The following CFAP161 variants were observed in gnomAD, a reference collection of about 807,000 sequenced individuals.
The protein encoded by CFAP161 is cilia and flagella associated protein 161.
CFAP161 carries 25 observed loss-of-function variants against 29.0 expected under a neutral mutation model. The ratio of observed to expected loss-of-function variants is 0.86; its 90% CI spans 0.63 to 1.20. The LOEUF is 1.20. Ranked by LOEUF, CFAP161 falls within the 50% of genes most tolerant of loss-of-function variation. The probability of loss-of-function intolerance (pLI) is 0.00; values close to 1 mark genes in which losing one functional copy is unlikely to be tolerated. For missense variants in CFAP161, 367 were observed against 371.9 expected, an observed-to-expected ratio of 0.99 and a Z score of 0.11; for synonymous variants, 116 against 137.4, an observed-to-expected ratio of 0.84 and a Z score of 1.09.
At chr15:81,114,100 A>G (rs547573569) in intron 1 of CFAP161, among the ~76,000 whole-genome samples, 4 of 152,344 alleles carry the variant, frequency 2.6e-5, no homozygotes, top group African/African-American at 9.6e-5. Flanking sequence ...AACAAAAACA[A>G]TGAGCCCTGG....
intron 1 of CFAP161, among the ~76,000 whole-genome samples, chr15:81,110,732 C>A (rs567874056): frequency 6.6e-6 from 1 of 152,160 alleles, no homozygotes; most frequent in Non-Finnish European, 1.5e-5. Flanking sequence ...TGGTCAGCTT[C>A]GGTGGAAGGG....
At chr15:81,109,473 A>C (rs1894414470) in intron 1 of CFAP161, among the ~76,000 whole-genome samples, 1 of 152,180 alleles carries the variant, frequency 6.6e-6, no homozygotes, top group South Asian at 2.1e-4. Flanking sequence ...AGTTTGTTCA[A>C]CTTTGCTTTT....
Position 81,135,364 on chromosome 15 carries a change from C to CTT in CFAP161, c.159+17_159+18dup, listed in dbSNP as rs369139890. Reference sequence around the variant, plus strand: ...AAACAGAATCTCTTGAGACCGGTAACTTTTTTTTTTTTTATTACACTTTAA... The same window carrying CTT: ...AAACAGAATCTCTTGAGACCGGTAACTTTTTTTTTTTTTTTATTACACTTTAA... On this transcript the variant is annotated splice_donor_region_variant and intron_variant, in intron 2 of 6. Coordinates refer to ENST00000286732, the MANE Select transcript of CFAP161 (RefSeq NM_173528.4). 436 of 1,265,424 alleles carry CTT rather than the reference C, an allele frequency of 3.4e-4. No individual in the cohort carries two copies. The highest frequency in any genetic ancestry group is 6.2e-4 in the Middle Eastern group (3 of 4,818). 78.4% of individuals were successfully genotyped at this position (1,265,424 alleles called of 1,614,324 possible). A position where few individuals can be genotyped will look rare whatever the true frequency, so the allele number is the denominator to read the frequency against.
chr15:81,146,467 T>A (rs1276348149), intron 5 of CFAP161, among the ~76,000 whole-genome samples: 1 of 152,128 alleles, frequency 6.6e-6, no homozygotes, highest in Non-Finnish European at 1.5e-5. Context: ...TTAAATAACA[T>A]CATTGACCAT....
chr15:81,134,122 AG>A (rs1894763734), upstream of CFAP161: 2 of 561,458 alleles, frequency 3.6e-6, no homozygotes, highest in East Asian at 6.0e-5. Flanking sequence ...GAAATCTAAG[AG>A]GTGGAAGTGG....
Position 81,135,313 on chromosome 15 carries a change from T to G in CFAP161, c.113T>G (p.Leu38Arg). 2 of 1,600,876 alleles carry G rather than the reference T, an allele frequency of 1.2e-6. No homozygotes were observed. The highest frequency in any genetic ancestry group is 1.4e-5 in the African/African-American group (1 of 73,882). Residue 38 changes from leucine to arginine, a missense_variant, in exon 2 of 7, where the codon CTT (leucine) becomes CGT (arginine). Transcript: ENST00000286732. ...DFLEKRDKGK[L>R]LIQRSRRLKQ... ...TTAGAGAAGAGAGACAAGGGGAAAC[T>G]TCTCATACAGAGAAGTAGAAGACTA...
rs190316138 is a variant in CFAP161, at chr15:81,117,381, C to T, written c.-141-10209C>T. 1.1e-3 allele frequency among the ~76,000 whole-genome samples: 173 copies of T among 152,216 alleles called. 1 individual carries two copies. Among genetic ancestry groups the T allele is most frequent in the Non-Finnish European group, 2.0e-3 (139 of 68,014 alleles). On this transcript the variant is annotated intron_variant, in intron 1 of 4. Coordinates refer to the CFAP161 transcript ENST00000560091. Reference sequence around the variant, plus strand: ...CAGCTATCCACGCTACAGCAAGAGTCTCACACAAAAAGCTAACAATGCTTA... The same window carrying T: ...CAGCTATCCACGCTACAGCAAGAGTTTCACACAAAAAGCTAACAATGCTTA...
At position 81,135,423 on chromosome 15, in the gene CFAP161, G is replaced by A. The variant is rs1017341163; in HGVS notation, c.159+64G>A. ...GTACATGTGCACAACGTGCAGGTTT[G>A]TTACATATGTATACATATGCTATGT... On this transcript the variant is annotated intron_variant, in intron 2 of 6. Transcript: ENST00000286732. 4.6e-6 allele frequency: 5 copies of A among 1,096,048 alleles called. No individual in the cohort carries two copies. In the African/African-American group the frequency reaches 7.9e-5, roughly 17 times the overall value. 67.9% of individuals were successfully genotyped at this position (1,096,048 alleles called of 1,614,324 possible). A position where few individuals can be genotyped will look rare whatever the true frequency, so the allele number is the denominator to read the frequency against.
Position 81,144,428 on chromosome 15 carries a change from T to G in CFAP161, c.636+608T>G, listed in dbSNP as rs1256197970. 2.0e-5 allele frequency among the ~76,000 whole-genome samples: 3 copies of G among 152,078 alleles called. No individual in the cohort carries two copies. In the East Asian group the frequency reaches 5.8e-4, roughly 29 times the overall value. ...TGGGCAACATGGCAAAACCCCTGTC[T>G]CTACAAAAAATACAAAAATTAGCCG... On this transcript the variant is annotated intron_variant, in intron 5 of 6. Transcript: ENST00000286732.
At chr15:81,134,456 T>C in intron 1 of CFAP161, 58 bp downstream of exon 1, 1 of 1,522,504 alleles carries the variant, frequency 6.6e-7, no homozygotes, top group Non-Finnish European at 8.9e-7. Flanking sequence ...GACCCTGCTC[T>C]AAGTTCAGTC....
intron 1 of CFAP161, among the ~76,000 whole-genome samples, chr15:81,101,151 C>T (rs985797055): frequency 6.6e-6 from 1 of 152,148 alleles, no homozygotes; most frequent in African/African-American, 2.4e-5. Context: ...ACAACCTGCC[C>T]TGACTAATCA....
At chr15:81,119,284 T>A (rs1350085848) in intron 1 of CFAP161, among the ~76,000 whole-genome samples, 1 of 152,208 alleles carries the variant, frequency 6.6e-6, no homozygotes, top group Non-Finnish European at 1.5e-5. Context: ...TTTATTTATT[T>A]CTACTACATG....
At chr15:81,131,337 C>T (rs1383086139), upstream of CFAP161, among the ~76,000 whole-genome samples, 1 of 152,032 alleles carries the variant, frequency 6.6e-6, no homozygotes, top group Non-Finnish European at 1.5e-5. Flanking sequence ...CTGCCTTTGA[C>T]AGAGCCCAGA....
chr15:81,113,957 A>G (rs1357813328), intron 1 of CFAP161, among the ~76,000 whole-genome samples: 1 of 152,230 alleles, frequency 6.6e-6, no homozygotes, highest in African/African-American at 2.4e-5. Flanking sequence ...CTTATTATGA[A>G]TAACAAAAGA....
chr15:81,115,132 G>T (rs1894481770), intron 1 of CFAP161, among the ~76,000 whole-genome samples: 1 of 152,272 alleles, frequency 6.6e-6, no homozygotes. Flanking sequence ...TGTGGTTTGT[G>T]CAGTCTTTTT....
In CFAP161 at chr15:81,134,304, G is replaced by C. The variant is rs764129296; in HGVS notation, c.-26G>C. ...CGCTAACGCATGGTGTCGGAGGGAG[G>C]CCCACTTGCTGAACAGCAGGGAGCG... On this transcript the variant is annotated 5_prime_UTR_variant, in exon 1 of 7. Transcript: ENST00000286732. 6 of 1,571,880 alleles carry C rather than the reference G, an allele frequency of 3.8e-6. No individual in the cohort carries two copies. In the East Asian group the frequency reaches 1.2e-4, roughly 30 times the overall value.
chr15:81,117,541 T>TA, intron 1 of CFAP161: 1 of 152,124 alleles, frequency 6.6e-6, no homozygotes, highest in Non-Finnish European at 1.4e-5. Flanking sequence ...GTATCACAGC[T>TA]ACTTTTTTTT....
chr15:81,140,444 C>T (rs1213006503), intron 4 of CFAP161, among the ~76,000 whole-genome samples: 1 of 152,246 alleles, frequency 6.6e-6, no homozygotes, highest in Admixed American at 6.5e-5. Context: ...ATGATTATTC[C>T]TTTCTCTACA....
At chr15:81,147,652 T>C (rs760037086) in intron 5 of CFAP161, among the ~76,000 whole-genome samples, 1 of 152,094 alleles carries the variant, frequency 6.6e-6, no homozygotes. Context: ...ACAGTCAAAA[T>C]AGGGTCTTAC....
Sources: gnomAD v4.1 joint callset for allele counts (sites outside exome capture counted in the v4.1 genomes callset) on GRCh38, gnomAD v4.1.1 for gene constraint, MANE v1.5 for transcripts, NCBI Gene and HGNC (gene_info 2026-07-23, HGNC 2026-07-21) for gene names.